Variants in S100Z observed in about 807,000 individuals in gnomAD.
S100Z encodes the protein protein S100-Z.
S100Z carries 11 observed loss-of-function variants against 8.5 expected under a neutral mutation model. The ratio of observed to expected loss-of-function variants is 1.30; its 90% CI spans 0.82 to 2.15. The LOEUF (loss-of-function observed/expected upper bound fraction) is 2.15. Among genes scored for constraint, S100Z ranks in the 30% most tolerant of loss-of-function variants. S100Z has a pLI of 0.00. For synonymous variants in S100Z, 34 were observed against 43.8 expected (o/e 0.78, Z 0.89); for missense variants, 126 against 117.9 (o/e 1.07, Z -0.32).
At chr5:76,936,404 C>T in the S100Z span, among the ~76,000 whole-genome samples, 2 of 151,788 alleles carry the variant, frequency 1.3e-5, no homozygotes, top group Non-Finnish European at 1.5e-5. Context: ...AATATCAAAA[C>T]GTTAACCATG....
intron 1 of S100Z, among the ~76,000 whole-genome samples, chr5:76,851,943 T>C (rs1258917471): frequency 1.3e-5 from 2 of 152,182 alleles, no homozygotes; most frequent in Non-Finnish European, 2.9e-5. Context: ...CCTGTTTGAG[T>C]TGTCCTGCAG....
At chr5:76,892,327 G>A (rs1487741259) in intron 4 of S100Z, among the ~76,000 whole-genome samples, 1 of 152,132 alleles carries the variant, frequency 6.6e-6, no homozygotes, top group Admixed American at 6.5e-5. Context: ...TACCAAAGAT[G>A]TCTGCCAGCT....
chr5:76,882,165 A>C (rs13185349), intron 4 of S100Z, among the ~76,000 whole-genome samples: 1 of 152,102 alleles, frequency 6.6e-6, no homozygotes, highest in East Asian at 1.9e-4. Context: ...AAGAAAATAG[A>C]TTTTGGAAGT....
At chr5:76,851,623 G>A (rs547438086) in intron 1 of S100Z, among the ~76,000 whole-genome samples, 133 of 152,258 alleles carry the variant, frequency 8.7e-4, no homozygotes, top group Non-Finnish European at 1.6e-3. Context: ...TCCCCTCTGG[G>A]GTAGAGGAAG....
chr5:76,950,473 C>T, the S100Z span, among the ~76,000 whole-genome samples: 1 of 152,148 alleles, frequency 6.6e-6, no homozygotes, highest in Non-Finnish European at 1.5e-5. Flanking sequence ...GGCCTTCAGG[C>T]TTAACATAGG....
intron 4 of S100Z, among the ~76,000 whole-genome samples, chr5:76,903,109 C>A (rs1744293014): frequency 6.6e-6 from 1 of 152,192 alleles, no homozygotes; most frequent in Non-Finnish European, 1.5e-5. Context: ...ATTGCTTGAA[C>A]CCAGGAGGCA....
chr5:76,907,919 A>G (rs1744512680), intron 4 of S100Z, among the ~76,000 whole-genome samples: 1 of 152,200 alleles, frequency 6.6e-6, no homozygotes, highest in Admixed American at 6.5e-5. Context: ...ACTTGAGCCC[A>G]GGAGTTTGAG....
At chr5:76,914,492 T>G (rs1744786936) in intron 4 of S100Z, among the ~76,000 whole-genome samples, 1 of 152,064 alleles carries the variant, frequency 6.6e-6, no homozygotes, top group Non-Finnish European at 1.5e-5. Flanking sequence ...AAGTCAGCAG[T>G]GGCAACCCGC....
chr5:76,856,095 T>C (rs1579989422), intron 1 of S100Z, among the ~76,000 whole-genome samples: 1 of 152,204 alleles, frequency 6.6e-6, no homozygotes, highest in Non-Finnish European at 1.5e-5. Flanking sequence ...GTTTCCCCTT[T>C]GCCTTCTGCC....
At position 76,852,073 on chromosome 5, in the gene S100Z, G is replaced by A. The variant is rs116618421; in HGVS notation, c.-176+1918G>A. Among the ~76,000 whole-genome samples, 1,371 of 150,028 alleles carry A rather than the reference G, an allele frequency of 9.1e-3. 19 individuals carry two copies. Among genetic ancestry groups the A allele is most frequent in the African/African-American group, 0.032 (1,289 of 40,576 alleles). ...ACTTTTTCTTTTAAAAAAAAAAAAA[G>A]TGAAGTTCTGGGAGCTCTGAGCCAT... On this transcript the variant is annotated intron_variant, in intron 1 of 4. Coordinates refer to ENST00000317593, the MANE Select transcript of S100Z (RefSeq NM_130772.4).
the S100Z span, among the ~76,000 whole-genome samples, chr5:76,935,340 T>C: frequency 6.6e-6 from 1 of 152,232 alleles, no homozygotes; most frequent in African/African-American, 2.4e-5. Flanking sequence ...GGTGACAATA[T>C]GGAATTAATA....
chr5:76,935,817 C>T, the S100Z span, among the ~76,000 whole-genome samples: 1 of 151,300 alleles, frequency 6.6e-6, no homozygotes, highest in African/African-American at 2.4e-5. Flanking sequence ...CCAGTTGTCA[C>T]CCAGGCTGAA....
chr5:76,945,642 G>A, the S100Z span, among the ~76,000 whole-genome samples: 1 of 152,200 alleles, frequency 6.6e-6, no homozygotes, highest in Non-Finnish European at 1.5e-5. Context: ...TCCAGGCATA[G>A]TACCTTCCCT....
At chr5:76,924,837 C>T (rs371557809), downstream of S100Z, among the ~76,000 whole-genome samples, 123 of 151,760 alleles carry the variant, frequency 8.1e-4, no homozygotes, top group Middle Eastern at 0.017. Flanking sequence ...CGCTTGAACG[C>T]GGGAGGTGGA....
intron 4 of S100Z, among the ~76,000 whole-genome samples, chr5:76,896,109 C>T (rs149924823): frequency 3.3e-4 from 50 of 152,164 alleles, no homozygotes; most frequent in African/African-American, 1.2e-3. Flanking sequence ...GTTGTGCTGT[C>T]AAATAGCAGG....
At chr5:76,951,028 T>C in the S100Z span, among the ~76,000 whole-genome samples, 1 of 152,096 alleles carries the variant, frequency 6.6e-6, no homozygotes, top group Non-Finnish European at 1.5e-5. Flanking sequence ...ACCATTAATT[T>C]TTTTTTTTTT....
the S100Z span, among the ~76,000 whole-genome samples, chr5:76,933,212 G>A: frequency 3.9e-5 from 6 of 152,194 alleles, no homozygotes; most frequent in East Asian, 3.9e-4. Context: ...CGGAGTGCCC[G>A]GATGAGGCTT....
chr5:76,887,324 C>T (rs1248778994), intron 4 of S100Z, among the ~76,000 whole-genome samples: 5 of 150,238 alleles, frequency 3.3e-5, no homozygotes, highest in African/African-American at 4.9e-5. Context: ...GTCTCGATCT[C>T]CTGACCTTGT....
intron 4 of S100Z, among the ~76,000 whole-genome samples, chr5:76,914,560 G>T (rs1400278405): frequency 6.6e-6 from 1 of 152,042 alleles, no homozygotes; most frequent in Non-Finnish European, 1.5e-5. Context: ...AATAAATCTT[G>T]CTGCTGCTCA....
Sources: allele counts gnomAD v4.1 joint callset (sites outside exome capture counted in the v4.1 genomes callset), GRCh38; gene constraint gnomAD v4.1.1; transcripts MANE v1.5; gene names NCBI Gene and HGNC (gene_info 2026-07-23, HGNC 2026-07-21).